STK25: variants seen among roughly 807,000 people sequenced by gnomAD.
The protein encoded by STK25 is serine/threonine-protein kinase 25.
STK25 carries 29 observed loss-of-function variants against 53.8 expected under a neutral mutation model. The observed-to-expected ratio is 0.54, with a 90% confidence interval of 0.40 to 0.74. STK25 has a LOEUF of 0.74. STK25 is among the 30% of genes least tolerant of loss of function. The pLI is 0.00. For synonymous variants in STK25, 247 were observed against 238.3 expected, an observed-to-expected ratio of 1.04 and a Z score of -0.33; for missense variants, 420 against 568.0, an observed-to-expected ratio of 0.74 and a Z score of 2.65.
In STK25 at chr2:241,493,675, AC is replaced by A. The variant is rs1362459254; in HGVS notation, c.*1986del. 1 of 559,678 alleles carries A rather than the reference AC, an allele frequency of 1.8e-6. No homozygotes were observed. Among genetic ancestry groups the A allele is most frequent in the African/African-American group, 1.9e-5 (1 of 53,018 alleles). The allele number at this position is 559,678 out of a possible 1,614,324, so 34.7% of individuals were successfully genotyped here. On this transcript the variant is annotated 3_prime_UTR_variant, in exon 12 of 12. Transcript: ENST00000316586. Reference sequence around the variant, plus strand: ...AGTGATACAATCTTGGCTCACTATAACCTGCACCTCCAGGGTTCAAGCGATT... The same window carrying A: ...AGTGATACAATCTTGGCTCACTATAACTGCACCTCCAGGGTTCAAGCGATT...
rs1447655305 is a variant in STK25 at position 241,498,709 on chromosome 2, G to C, written c.847C>G (p.Leu283Val). 1.2e-6 allele frequency: 2 copies of C among 1,614,050 alleles called. No individual in the cohort carries two copies. Among genetic ancestry groups the C allele is most frequent in the Non-Finnish European group, 1.7e-6 (2 of 1,180,048 alleles). ...TTCCAGCGCTTATAGCGGTCGATGA[G>C]CTCCGTGAGGAAGGAGGTCTTCTTG... is the stretch of plus-strand genomic sequence containing the variant. ...YTKKTSFLTE[L>V]IDRYKRWKSE... Residue 283 changes from leucine to valine, a missense_variant, in exon 8 of 12, where the codon CTC (leucine) becomes GTC (valine). Physicochemically the swap from Leu to Val is conservative, Grantham distance 32 (BLOSUM62 1). Coordinates refer to ENST00000316586, the MANE Select transcript of STK25 (RefSeq NM_001271977.2).
Position 241,500,211 on chromosome 2 carries a change from T to TAA in STK25, c.387_388dup (p.Tyr130PhefsTer26). ...GTGGATCTTGCGTTCGGAGTGCAGA[T>TAA]AATCCAGGCCCTTCAGAATCTCCCG... On this transcript the variant is annotated frameshift_variant, in exon 5 of 12. Coordinates refer to ENST00000316586, the MANE Select transcript of STK25 (RefSeq NM_001271977.2). LOFTEE classifies it high-confidence loss of function. 3 of 1,614,084 alleles carry TAA rather than the reference T, an allele frequency of 1.9e-6. No homozygotes were observed. The highest frequency in any genetic ancestry group is 2.5e-6 in the Non-Finnish European group (3 of 1,180,000).
At position 241,501,087 on chromosome 2, in the gene STK25, G is replaced by A; in HGVS notation, c.262-291C>T. The A allele has an allele frequency of 1.8e-6, 1 of 565,204 alleles. No individual in the cohort carries two copies. Among genetic ancestry groups the A allele is most frequent in the Non-Finnish European group, 3.2e-6 (1 of 314,956 alleles). The allele number at this position is 565,204 out of a possible 1,614,324, so 35.0% of individuals were successfully genotyped here. A position where few individuals can be genotyped will look rare whatever the true frequency, so the allele number is the denominator to read the frequency against. On this transcript the variant is annotated intron_variant, in intron 3 of 11. Coordinates refer to ENST00000316586, the MANE Select transcript of STK25 (RefSeq NM_001271977.2). This position sits in a 1 kb window ranked among gnomAD's most constrained non-coding sequence, Gnocchi z 5.3. ...ATCCAGTCCTACAGGGCTGGGAAGA[G>A]GGCATGGCTGGCAAGCATGTGACCC...
intron 7 of STK25, 23 bp from the exon 8 acceptor site, chr2:241,498,807 T>G (rs965911262): frequency 1.2e-6 from 2 of 1,613,018 alleles, no homozygotes; most frequent in African/African-American, 2.7e-5. Flanking sequence ...AGGGGAACAC[T>G]AGTCACTGGG....
At position 241,493,949 on chromosome 2, in the gene STK25, T is replaced by C; in HGVS notation, c.*1713A>G. 9.0e-7 allele frequency: 1 copy of C among 1,115,258 alleles called. No homozygotes were observed. The highest frequency in any genetic ancestry group is 1.2e-6 in the Non-Finnish European group (1 of 820,412). 69.1% of individuals were successfully genotyped at this position (1,115,258 alleles called of 1,614,324 possible). ...GCTTGTCCCATATCCTGGGTTGTTC[T>C]TGGGACAGTGTCTGAGCACAAGATG... is the stretch of plus-strand genomic sequence containing the variant. On this transcript the variant is annotated 3_prime_UTR_variant, in exon 12 of 12. Transcript: ENST00000316586.
chr2:241,507,093 G>C (rs201174631), intron 2 of STK25, among the ~76,000 whole-genome samples: 1 of 152,212 alleles, frequency 6.6e-6, no homozygotes. Flanking sequence ...GAGTGAACAA[G>C]GAGGGCCACA....
Position 241,496,659 on chromosome 2 carries a change from G to T in STK25, c.1105-125C>A. ...TCTCGCCTAGGAGCCACACCCGGGA[G>T]CCCTTCAGCAAGCCGGGAAGTGAGG... On this transcript the variant is annotated intron_variant, in intron 10 of 11. Coordinates refer to ENST00000316586, the MANE Select transcript of STK25 (RefSeq NM_001271977.2). This position sits in a 1 kb window ranked among gnomAD's most constrained non-coding sequence, Gnocchi z 5.8. The T allele has an allele frequency of 1.8e-6, 2 of 1,119,450 alleles. No individual in the cohort carries two copies. Among genetic ancestry groups the T allele is most frequent in the Non-Finnish European group, 1.2e-6 (1 of 805,166 alleles). 69.3% of individuals were successfully genotyped at this position (1,119,450 alleles called of 1,614,324 possible). A position where few individuals can be genotyped will look rare whatever the true frequency, so the allele number is the denominator to read the frequency against.
intron 2 of STK25, among the ~76,000 whole-genome samples, chr2:241,502,381 T>C (rs1190180530): frequency 2.0e-5 from 3 of 152,038 alleles, no homozygotes; most frequent in African/African-American, 7.2e-5. Context: ...GAATGGCCCC[T>C]GGGGGTGAGG....
chr2:241,493,586 A>G lies in STK25; in HGVS notation c.*2076T>C. On this transcript the variant is annotated 3_prime_UTR_variant, in exon 12 of 12. Transcript: ENST00000316586. ...AATGCTTCCAGCATTTCCAAAAAAC[A>G]GCAATGCTTTGTTTTTTTTTTTTTT... is the stretch of plus-strand genomic sequence containing the variant. 1 of 705,912 alleles carries G rather than the reference A, an allele frequency of 1.4e-6. No homozygotes were observed. The highest frequency in any genetic ancestry group is 2.3e-6 in the Non-Finnish European group (1 of 428,112). 43.7% of individuals were successfully genotyped at this position (705,912 alleles called of 1,614,324 possible).
In STK25 at chr2:241,501,303, A is replaced by C. The variant is rs559033382; in HGVS notation, c.261+175T>G. On this transcript the variant is annotated intron_variant, in intron 3 of 11. Coordinates refer to ENST00000316586, the MANE Select transcript of STK25 (RefSeq NM_001271977.2). The surrounding 1 kb of genome is among the most constrained non-coding windows in gnomAD (Gnocchi z 5.3). ...TGGGTCCCAATGGCCATTTAGAGCC[A>C]ACTGACCCTCGTGGACGAGGGCTCA... 1.3e-3 allele frequency: 865 copies of C among 679,840 alleles called. No homozygotes were observed. Among genetic ancestry groups the C allele is most frequent in the Non-Finnish European group, 1.8e-3 (677 of 383,022 alleles). 42.1% of individuals were successfully genotyped at this position (679,840 alleles called of 1,614,324 possible).
In STK25 at chr2:241,496,460, G is replaced by A. The variant is rs200493891; in HGVS notation, c.1179C>T (p.Ala393=). ...CTGAGATGCCGGGGCAGGACTCCTC[G>A]GCCAGGCTGAAGGCGTTCTCCAGCT... ...LEELENAFSL[A]EESCPGISDK... The change falls in exon 11 of 12, where the codon GCC becomes GCT. Residue 393 remains alanine (A), a synonymous_variant. Transcript: ENST00000316586. This position sits in a 1 kb window ranked among gnomAD's most constrained non-coding sequence, Gnocchi z 5.8. 51 of 1,613,452 alleles carry A rather than the reference G, an allele frequency of 3.2e-5. No individual in the cohort carries two copies. Among genetic ancestry groups the A allele is most frequent in the East Asian group, 1.3e-4 (6 of 44,856 alleles).
At position 241,501,766 on chromosome 2, in the gene STK25, C is replaced by G. The variant is rs967902850; in HGVS notation, c.31-58G>C. 2.7e-5 allele frequency: 37 copies of G among 1,380,096 alleles called. No individual in the cohort carries two copies. Among genetic ancestry groups the G allele is most frequent in the Non-Finnish European group, 3.6e-5 (35 of 985,496 alleles). The allele number at this position is 1,380,096 out of a possible 1,614,324, so 85.5% of individuals were successfully genotyped here. The stretch of plus-strand genomic sequence containing the variant: ...AGCGCCGGTCACAAGAGGCGGGGGA[C>G]AGGCAGAGGCTGCCCTGCTGGGGAG... On this transcript the variant is annotated intron_variant, in intron 2 of 11. Transcript: ENST00000316586. The surrounding 1 kb of genome is among the most constrained non-coding windows in gnomAD (Gnocchi z 5.3).
Position 241,494,298 on chromosome 2 carries a change from C to A in STK25, c.*1364G>T. 4.8e-6 allele frequency: 2 copies of A among 415,620 alleles called. No individual in the cohort carries two copies. Among genetic ancestry groups the A allele is most frequent in the Admixed American group, 8.9e-5 (2 of 22,550 alleles). The allele number at this position is 415,620 out of a possible 1,614,324, so 25.7% of individuals were successfully genotyped here. A position where few individuals can be genotyped will look rare whatever the true frequency, so the allele number is the denominator to read the frequency against. ...ACATCTGGGAGGGGCTTCATCCCCC[C>A]ACCCAGGACCTAGTGCATGCCAGCA... On this transcript the variant is annotated 3_prime_UTR_variant, in exon 12 of 12. Transcript: ENST00000316586. This position sits in a 1 kb window ranked among gnomAD's most constrained non-coding sequence, Gnocchi z 4.9.
In STK25 at chr2:241,501,966, G is replaced by A. The variant is rs534718646; in HGVS notation, c.31-258C>T. The A allele has an allele frequency of 1.6e-3, 654 of 408,556 alleles. 3 individuals are homozygous for A. The highest frequency in any genetic ancestry group is 2.5e-3 in the Non-Finnish European group (534 of 217,424). 25.3% of individuals were successfully genotyped at this position (408,556 alleles called of 1,614,324 possible). ...GTGGATCACTTGAGGTCAGGAGTTC[G>A]AGACCAGCCTGGCCAGCATGGTGAA... On this transcript the variant is annotated intron_variant, in intron 2 of 11. Coordinates refer to ENST00000316586, the MANE Select transcript of STK25 (RefSeq NM_001271977.2). The surrounding 1 kb of genome is among the most constrained non-coding windows in gnomAD (Gnocchi z 5.3).
In STK25 at chr2:241,500,730, T is replaced by C. The variant is rs2124974567; in HGVS notation, c.318+10A>G. Reference sequence around the variant, plus strand: ...TGCATGACCCCCCACTGCCATGGCCTATGCCTCACCAAGTCCAGTGCTGAG... The same window carrying C: ...TGCATGACCCCCCACTGCCATGGCCCATGCCTCACCAAGTCCAGTGCTGAG... On this transcript the variant is annotated intron_variant, in intron 4 of 11. Coordinates refer to ENST00000316586, the MANE Select transcript of STK25 (RefSeq NM_001271977.2). The C allele has an allele frequency of 6.2e-7, 1 of 1,613,766 alleles. No homozygotes were observed. The highest frequency in any genetic ancestry group is 8.5e-7 in the Non-Finnish European group (1 of 1,179,854).
intron 2 of STK25, chr2:241,502,007 C>CA (rs2065542110): frequency 1.9e-5 from 6 of 312,610 alleles, no homozygotes; most frequent in Middle Eastern, 1.1e-3. Flanking sequence ...ATCTCTAATA[C>CA]AAAAAAATTA....
chr2:241,503,961 C>T (rs546246582), intron 2 of STK25: 9 of 466,174 alleles, frequency 1.9e-5, no homozygotes, highest in East Asian at 7.0e-5. Flanking sequence ...GCGACACTTC[C>T]GTGTGAAACT....
At position 241,495,684 on chromosome 2, in the gene STK25, T is replaced by C. The variant is rs1369853763; in HGVS notation, c.1259A>G (p.Asn420Ser). ...GCTTCAGCGGGTGGATGTCAGGTGGTTTCTGTTGTGTGAAAACCTGCAGAG... is the reference window on the plus strand; with the variant it reads ...GCTTCAGCGGGTGGATGTCAGGTGGCTTCTGTTGTGTGAAAACCTGCAGAG... ...ERVQRFSHNR[N>S]HLTSTR Residue 420 changes from asparagine (N) to serine (S), a missense_variant, in exon 12 of 12, where the codon AAC becomes AGC. Asn to Ser is a conservative substitution (Grantham distance 46). Transcript: ENST00000316586. The C allele has an allele frequency of 6.2e-7, 1 of 1,614,006 alleles. No individual in the cohort carries two copies. The highest frequency in any genetic ancestry group is 8.5e-7 in the Non-Finnish European group (1 of 1,179,994).
Position 241,500,228 on chromosome 2 carries a change from A to G in STK25, c.372T>C (p.Ile124=), listed in dbSNP as rs202123147. Residue 124 remains isoleucine (I), a synonymous_variant, in exon 5 of 12, where the codon ATT becomes ATC. Transcript: ENST00000316586. ...ETYIATILRE[I]LKGLDYLHSE... ...AGTGCAGATAATCCAGGCCCTTCAG[A>G]ATCTCCCGCAGGATCGTGGCAATGT... 46 of 1,613,944 alleles carry G rather than the reference A, an allele frequency of 2.9e-5. No homozygotes were observed. The highest frequency in any genetic ancestry group is 1.2e-4 in the Admixed American group (7 of 60,006).
Sources: gnomAD v4.1 joint callset for allele counts (sites outside exome capture counted in the v4.1 genomes callset) on GRCh38, gnomAD v4.1.1 for gene constraint, Gnocchi (gnomAD v3.1) non-coding constraint, MANE v1.5 for transcripts, NCBI Gene and HGNC (gene_info 2026-07-23, HGNC 2026-07-21) for gene names.